PIH1D2: variants seen among roughly 807,000 people sequenced by gnomAD.
PIH1D2 encodes the protein PIH1 domain-containing protein 2.
In PIH1D2, 25 loss-of-function variants were observed where a neutral mutation model predicts 31.2. The observed-to-expected ratio is 0.80, with a 90% confidence interval of 0.58 to 1.12. PIH1D2 has a LOEUF of 1.12. Ranked by LOEUF, PIH1D2 falls within the 50% of genes most tolerant of loss-of-function variation. The probability of loss-of-function intolerance (pLI) is 0.00; values close to 1 mark genes in which losing one functional copy is unlikely to be tolerated. For missense variants in PIH1D2, 310 were observed against 356.6 expected (o/e 0.87, Z 1.05); for synonymous variants, 116 against 119.9 (o/e 0.97, Z 0.21).
At chr11:112,067,793 A>G (rs879969717), downstream of PIH1D2, 18 of 1,542,256 alleles carry the variant, frequency 1.2e-5, no homozygotes, top group South Asian at 2.1e-4. Flanking sequence ...ATAAACTACT[A>G]CCTCTTTAGC....
intron 5 of PIH1D2, chr11:112,069,935 G>T (rs1555184312): frequency 5.8e-6 from 1 of 171,596 alleles, no homozygotes; most frequent in Non-Finnish European, 1.3e-5. Flanking sequence ...CATGGTTCAA[G>T]AGGAAGAGAA....
chr11:112,054,700 T>C, the PIH1D2 span, among the ~76,000 whole-genome samples: 56 of 152,376 alleles, frequency 3.7e-4, no homozygotes, highest in African/African-American at 1.3e-3. Context: ...CTGCCATTAT[T>C]AATGACCACA....
At chr11:112,062,560 C>T, downstream of PIH1D2, 1 of 1,610,640 alleles carries the variant, frequency 6.2e-7, no homozygotes, top group South Asian at 1.1e-5. Context: ...TCTAAACTCT[C>T]CCAGGTCACA....
chr11:112,070,791 T>A, intron 4 of PIH1D2, 90 bp from the exon 5 acceptor site: 1 of 1,389,712 alleles, frequency 7.2e-7, no homozygotes, highest in Non-Finnish European at 9.7e-7. Flanking sequence ...TTAGTAGAGA[T>A]GGTAGATAAA....
downstream of PIH1D2, chr11:112,060,895 A>G (rs1250527090): frequency 9.0e-6 from 6 of 663,694 alleles, no homozygotes; most frequent in Admixed American, 8.5e-5. Flanking sequence ...TAATGGTTGT[A>G]TATCTTCAGT....
the PIH1D2 span, among the ~76,000 whole-genome samples, chr11:112,053,094 G>C: frequency 6.6e-6 from 1 of 152,112 alleles, no homozygotes; most frequent in Admixed American, 6.5e-5. Flanking sequence ...GGCCGAGGCA[G>C]GTGGATCACT....
intron 5 of PIH1D2, chr11:112,070,168 T>A: frequency 6.9e-6 from 4 of 583,166 alleles, no homozygotes; most frequent in Non-Finnish European, 1.2e-5. Context: ...GCCTTGTGAC[T>A]TACTTTGGCC....
intron 2 of PIH1D2, 191 bp downstream of exon 2, chr11:112,072,807 C>T (rs915034496): frequency 2.5e-5 from 13 of 520,572 alleles, no homozygotes; most frequent in South Asian, 3.7e-5. Context: ...GAGGTTGCAG[C>T]GAGCCAAGAC....
In PIH1D2 at chr11:112,070,434, AC is replaced by A; in HGVS notation, c.813+1del. On this transcript the variant is annotated splice_donor_variant, in intron 5 of 5. Transcript: ENST00000280350. LOFTEE classifies it high-confidence loss of function. Reference sequence around the variant, plus strand: ...ATTTACAGTGTTATCTATTCAACTTACCTCAGAAACACTAAGGTCACAGAGA... The same window carrying A: ...ATTTACAGTGTTATCTATTCAACTTACTCAGAAACACTAAGGTCACAGAGA... The A allele has an allele frequency of 6.2e-7, 1 of 1,613,004 alleles. No individual in the cohort carries two copies. Among genetic ancestry groups the A allele is most frequent in the Non-Finnish European group, 8.5e-7 (1 of 1,179,246 alleles).
intron 2 of PIH1D2, 102 bp from the exon 3 acceptor site, chr11:112,071,860 A>G: frequency 7.9e-7 from 1 of 1,266,330 alleles, no homozygotes. Context: ...TGGGGGTCCA[A>G]GGCGGCCGGA....
chr11:112,053,571 G>T, the PIH1D2 span, among the ~76,000 whole-genome samples: 1 of 152,020 alleles, frequency 6.6e-6, no homozygotes, highest in African/African-American at 2.4e-5. Flanking sequence ...TCCTACCTCA[G>T]CCTCCTGAGT....
downstream of PIH1D2, chr11:112,063,888 C>A: frequency 3.5e-6 from 1 of 288,688 alleles, no homozygotes; most frequent in Non-Finnish European, 6.3e-6. Flanking sequence ...TAAAATGAAT[C>A]TGACCAGTGC....
rs782501169 is a variant in PIH1D2 at position 112,070,602 on chromosome 11, C to T, written c.647G>A (p.Cys216Tyr). ...AGTACTGGAAATCTCTTCTATCAGA[C>T]ACACTGCTTTGCCTGAAACTTGGTC... ...PKDQVSGKAV[C>Y]LIEEISSTEI... is the part of the protein sequence containing the mutation. The change falls in exon 5 of 6, where the codon TGT becomes TAT. Residue 216 changes from cysteine (C) to tyrosine (Y), a missense_variant. Cys to Tyr is a radical substitution (Grantham distance 194, BLOSUM62 -2). Coordinates refer to ENST00000280350, the MANE Select transcript of PIH1D2 (RefSeq NM_138789.4). The T allele has an allele frequency of 1.9e-6, 3 of 1,614,144 alleles. No homozygotes were observed. Among genetic ancestry groups the T allele is most frequent in the Non-Finnish European group, 2.5e-6 (3 of 1,180,026 alleles).
At chr11:112,067,272 C>T (rs1864951825), downstream of PIH1D2, among the ~76,000 whole-genome samples, 1 of 151,980 alleles carries the variant, frequency 6.6e-6, no homozygotes. Context: ...TAGAATTTTC[C>T]CAAATTATAA....
the PIH1D2 span, among the ~76,000 whole-genome samples, chr11:112,055,848 C>CTTTTTTTTTTTTTTTTTTTT: frequency 3.8e-4 from 12 of 31,990 alleles, 4 homozygotes; most frequent in African/African-American, 5.4e-4. Flanking sequence ...CATATAGACA[C>CTTTTTTTTTTTTTTTTTTTT]TTTTTTTTTT....
At chr11:112,071,922 G>A (rs187684798) in intron 2 of PIH1D2, among the ~76,000 whole-genome samples, 164 bp from the exon 3 acceptor site, 7 of 152,138 alleles carry the variant, frequency 4.6e-5, no homozygotes, top group African/African-American at 4.8e-5. Flanking sequence ...GTGAAACTCC[G>A]TTTCTACTAA....
chr11:112,055,209 A>G, the PIH1D2 span, among the ~76,000 whole-genome samples: 1 of 148,066 alleles, frequency 6.8e-6, no homozygotes, highest in Non-Finnish European at 1.5e-5. Flanking sequence ...AGGCATTGAC[A>G]GTCTTCCGTA....
rs1261722298 is a variant in PIH1D2 at position 112,070,807 on chromosome 11, A to G, written c.548-106T>C. On this transcript the variant is annotated intron_variant, in intron 4 of 5. Transcript: ENST00000280350. ...TAGTAGAGATGGTAGATAAAGCTGC[A>G]GTTAAATTAGTTTGGGAATCAAGCC... 4 of 1,311,218 alleles carry G rather than the reference A, an allele frequency of 3.1e-6. No homozygotes were observed. In the Admixed American group the frequency reaches 1.1e-4, roughly 36 times the overall value. The allele number at this position is 1,311,218 out of a possible 1,614,324, so 81.2% of individuals were successfully genotyped here. A position where few individuals can be genotyped will look rare whatever the true frequency, so the allele number is the denominator to read the frequency against.
downstream of PIH1D2, chr11:112,067,695 T>TATATATATATATAC (rs1864979711): frequency 1.7e-5 from 1 of 57,334 alleles, no homozygotes; most frequent in South Asian, 7.1e-4. Context: ...AATATATATA[T>TATATATATATATAC]ATATATATAT....
Sources: allele counts gnomAD v4.1 joint callset (sites outside exome capture counted in the v4.1 genomes callset), GRCh38; gene constraint gnomAD v4.1.1; transcripts MANE v1.5; gene names NCBI Gene and HGNC (gene_info 2026-07-23, HGNC 2026-07-21).